Variants in SAFB observed in about 807,000 individuals in gnomAD.
The protein encoded by SAFB is scaffold attachment factor B.
Under a neutral mutation model 101.6 loss-of-function variants are expected in SAFB, and 15 were observed. The observed-to-expected ratio is 0.15, with a 90% CI of 0.10 to 0.23. SAFB has a LOEUF of 0.23. Ranked by LOEUF, SAFB falls within the 10% of genes least tolerant of loss-of-function variation. The pLI, the probability that SAFB is intolerant of heterozygous loss-of-function variation, is 1.00. For missense variants in SAFB, 930 were observed against 1,104.1 expected (o/e 0.84, Z 2.23); for synonymous variants, 449 against 407.5 (o/e 1.10, Z -1.23).
In SAFB at chr19:5,652,482, T is replaced by C. The variant is rs572675609; in HGVS notation, c.1294-633T>C. ...TCTGGGACTAGGATTCCATGTGGCA[T>C]GATGAGCATGATTACCAGCCTCGGC... is the stretch of plus-strand genomic sequence containing the variant. On this transcript the variant is annotated intron_variant, in intron 9 of 20. Transcript: ENST00000588852. 1.3e-4 allele frequency among the ~76,000 whole-genome samples: 20 copies of C among 152,272 alleles called. No individual in the cohort carries two copies. The South Asian group carries it at 1.5e-3, about 11-fold the overall frequency.
At chr19:5,643,352 C>A (rs984876966) in intron 4 of SAFB, among the ~76,000 whole-genome samples, 1 of 152,120 alleles carries the variant, frequency 6.6e-6, no homozygotes, top group African/African-American at 2.4e-5. Flanking sequence ...CCAGTCAATC[C>A]GCTTCTGCAT....
At chr19:5,631,268 C>CA in intron 2 of SAFB, among the ~76,000 whole-genome samples, 1 of 152,276 alleles carries the variant, frequency 6.6e-6, no homozygotes, top group East Asian at 1.9e-4. Context: ...CCAGCCCCTG[C>CA]AAAAATAAAA....
intron 9 of SAFB, among the ~76,000 whole-genome samples, chr19:5,652,653 TAC>T (rs1427569434): frequency 2.0e-5 from 3 of 151,976 alleles, no homozygotes; most frequent in Non-Finnish European, 4.4e-5. Context: ...TGCGTTTTGT[TAC>T]AGTCAATGAT....
chr19:5,632,258 C>T (rs2053505541), intron 2 of SAFB, among the ~76,000 whole-genome samples: 1 of 152,118 alleles, frequency 6.6e-6, no homozygotes. Context: ...ACTTAAGTTG[C>T]AAGAATAATG....
rs1312175380 is a variant in SAFB at position 5,626,551 on chromosome 19, T to A, written c.274+62T>A. On this transcript the variant is annotated intron_variant, in intron 2 of 20. Coordinates refer to ENST00000588852, the MANE Select transcript of SAFB (RefSeq NM_001201338.2). ...GCTTTCTTCAAAACGAATACATTGC[T>A]AATGTGCCTCGTTTACTTGTCTGTG... 8.3e-6 allele frequency: 8 copies of A among 963,656 alleles called. No homozygotes were observed. In the Admixed American group the frequency reaches 1.3e-4, roughly 15 times the overall value. 59.7% of individuals were successfully genotyped at this position (963,656 alleles called of 1,614,324 possible).
intron 2 of SAFB, among the ~76,000 whole-genome samples, chr19:5,637,320 G>T (rs1171798541): frequency 7.4e-5 from 11 of 149,098 alleles, no homozygotes; most frequent in Non-Finnish European, 1.0e-4. Flanking sequence ...CTCCAGCCTG[G>T]GCTACAGAGC....
chr19:5,667,303 C>A lies in SAFB; in HGVS notation c.2454-44C>A. On this transcript the variant is annotated intron_variant, in intron 18 of 20. Coordinates refer to ENST00000588852, the MANE Select transcript of SAFB (RefSeq NM_001201338.2). This position sits in a 1 kb window ranked among gnomAD's most constrained non-coding sequence, Gnocchi z 4.0. ...GCCGCCACAGTTATTAGCACAAGAG[C>A]CAGAGATGGGGGCAATCCAAATCAG... 7.2e-7 allele frequency: 1 copy of A among 1,398,360 alleles called. No individual in the cohort carries two copies. The highest frequency in any genetic ancestry group is 9.6e-7 in the Non-Finnish European group (1 of 1,044,954). The allele number at this position is 1,398,360 out of a possible 1,614,324, so 86.6% of individuals were successfully genotyped here. A position where few individuals can be genotyped will look rare whatever the true frequency, so the allele number is the denominator to read the frequency against.
chr19:5,630,789 T>C (rs1214404473), intron 2 of SAFB, among the ~76,000 whole-genome samples: 1 of 151,916 alleles, frequency 6.6e-6, no homozygotes, highest in Non-Finnish European at 1.5e-5. Flanking sequence ...AACTCTGTTA[T>C]ATATAGAAAG....
intron 2 of SAFB, among the ~76,000 whole-genome samples, chr19:5,628,116 T>C (rs2053407974): frequency 6.6e-6 from 1 of 152,036 alleles, no homozygotes; most frequent in Admixed American, 6.6e-5. Context: ...CCAGGTGTGG[T>C]GGCGGGCTCC....
At chr19:5,631,857 G>A (rs895750666) in intron 2 of SAFB, among the ~76,000 whole-genome samples, 4 of 152,172 alleles carry the variant, frequency 2.6e-5, no homozygotes, top group Non-Finnish European at 5.9e-5. Flanking sequence ...AGCAGCCTGG[G>A]TGACATAGTG....
chr19:5,623,111 G>A lies in SAFB; in HGVS notation c.-95G>A, dbSNP rs1599296754. The A allele has an allele frequency of 2.3e-6, 3 of 1,277,054 alleles. No homozygotes were observed. The highest frequency in any genetic ancestry group is 2.2e-6 in the Non-Finnish European group (2 of 914,632). 79.1% of individuals were successfully genotyped at this position (1,277,054 alleles called of 1,614,324 possible). A position where few individuals can be genotyped will look rare whatever the true frequency, so the allele number is the denominator to read the frequency against. ...AGCGAGGCGCGCTGGGGCGACTGGA[G>A]CGGTTCCCTCGCAGGCGGCGCCATT... On this transcript the variant is annotated 5_prime_UTR_variant, in exon 1 of 21. Coordinates refer to ENST00000588852, the MANE Select transcript of SAFB (RefSeq NM_001201338.2).
intron 14 of SAFB, 94 bp downstream of exon 14, chr19:5,657,441 A>G: frequency 1.2e-6 from 1 of 818,874 alleles, no homozygotes; most frequent in Non-Finnish European, 2.0e-6. Context: ...CTGGGGTGGG[A>G]TAGAGCTGTG....
In SAFB at chr19:5,664,129, G is replaced by A. The variant is rs1268248740; in HGVS notation, c.2261G>A (p.Arg754His). 42 of 1,613,818 alleles carry A rather than the reference G, an allele frequency of 2.6e-5. No homozygotes were observed. The highest frequency in any genetic ancestry group is 5.5e-5 in the South Asian group (5 of 91,092). Reference protein sequence around the residue: ...DRFHDFDHRDRGRYPDHSVDR... With the variant: ...DRFHDFDHRDHGRYPDHSVDR... ...TTCCACGACTTTGACCACAGGGACC[G>A]CGGCCGCTACCCCGACCACTCGGTG... The change falls in exon 16 of 21, where the codon CGC becomes CAC. Residue 754 changes from arginine (R) to histidine (H), a missense_variant. Coordinates refer to ENST00000588852, the MANE Select transcript of SAFB (RefSeq NM_001201338.2).
chr19:5,668,042 G>A (rs1445535384), intron 20 of SAFB, 120 bp from the exon 21 acceptor site: 2 of 1,465,966 alleles, frequency 1.4e-6, no homozygotes, highest in Non-Finnish European at 1.8e-6. Context: ...TGCCACTCAG[G>A]AGGGGAGGGC....
In SAFB at chr19:5,668,318, G is replaced by T. The variant is rs200683102; in HGVS notation, c.*27G>T. 7 of 1,603,124 alleles carry T rather than the reference G, an allele frequency of 4.4e-6. No individual in the cohort carries two copies. The African/African-American group carries it at 6.7e-5, about 15-fold the overall frequency. On this transcript the variant is annotated 3_prime_UTR_variant, in exon 21 of 21. Coordinates refer to ENST00000588852, the MANE Select transcript of SAFB (RefSeq NM_001201338.2). The stretch of plus-strand genomic sequence containing the variant: ...TACTTGGAATCCTGTGTCCTGTCTC[G>T]TGGCAACAAGGCTATGTTCTGTTAG...
intron 2 of SAFB, among the ~76,000 whole-genome samples, chr19:5,638,493 T>A (rs1017823734): frequency 6.6e-6 from 1 of 151,876 alleles, no homozygotes; most frequent in South Asian, 2.1e-4. Context: ...CTTCTAATTT[T>A]TGTATTTTTA....
intron 17 of SAFB, chr19:5,665,668 C>G (rs2054312114): frequency 6.6e-6 from 1 of 152,162 alleles, no homozygotes; most frequent in Non-Finnish European, 1.5e-5. Context: ...TAGATATGCT[C>G]TCCTAACAGT....
rs557716913 is a variant in SAFB at position 5,653,998 on chromosome 19, C to G, written c.1527-63C>G. On this transcript the variant is annotated intron_variant, in intron 11 of 20. Transcript: ENST00000588852. Reference sequence around the variant, plus strand: ...TCATGTGATCCGCCCGCCTCATCCCCCCAAAGTGCTGGGAATACAGGCATG... The same window carrying G: ...TCATGTGATCCGCCCGCCTCATCCCGCCAAAGTGCTGGGAATACAGGCATG... 4.4e-5 allele frequency: 68 copies of G among 1,547,680 alleles called. No homozygotes were observed. The African/African-American group carries it at 8.8e-4, about 20-fold the overall frequency.
chr19:5,656,726 G>A (rs1469127449), intron 13 of SAFB, among the ~76,000 whole-genome samples: 1 of 151,650 alleles, frequency 6.6e-6, no homozygotes, highest in East Asian at 1.9e-4. Context: ...ACAAGCATGC[G>A]CCACCATGCC....
Sources: allele counts gnomAD v4.1 joint callset (sites outside exome capture counted in the v4.1 genomes callset), GRCh38; gene constraint gnomAD v4.1.1; non-coding constraint Gnocchi (gnomAD v3.1); transcripts MANE v1.5; gene names NCBI Gene and HGNC (gene_info 2026-07-23, HGNC 2026-07-21).